LARP4B: variants seen among roughly 807,000 people sequenced by gnomAD.
LARP4B encodes La ribonucleoprotein 4B, also known as la-related protein 4B.
In LARP4B, 12 loss-of-function variants were observed where a neutral mutation model predicts 89.8. That is an observed-to-expected ratio of 0.13 (90% confidence interval 0.09 to 0.22). The LOEUF (loss-of-function observed/expected upper bound fraction) is 0.22. Ranked by LOEUF, LARP4B falls within the 10% of genes least tolerant of loss-of-function variation. LARP4B has a pLI of 1.00. For synonymous variants in LARP4B, 367 were observed against 363.3 expected (o/e 1.01, Z -0.12); for missense variants, 757 against 947.7 (o/e 0.80, Z 2.64).
intron 12 of LARP4B, 64 bp downstream of exon 12, chr10:825,700 C>T: frequency 1.9e-6 from 2 of 1,075,516 alleles, no homozygotes; most frequent in Non-Finnish European, 2.8e-6. Context: ...AAAGCTCTCT[C>T]ATCCCAACTC....
chr10:829,790 A>T, intron 9 of LARP4B, 56 bp from the exon 10 acceptor site: 1 of 1,227,844 alleles, frequency 8.1e-7, no homozygotes, highest in East Asian at 2.3e-5. Context: ...AATAAGAGGC[A>T]CCAATAGTTC....
At chr10:974,155 T>G in the LARP4B span, among the ~76,000 whole-genome samples, 1 of 152,142 alleles carries the variant, frequency 6.6e-6, no homozygotes, top group African/African-American at 2.4e-5. Context: ...AGAGCTGGTT[T>G]GGAATGGCAA....
intron 1 of LARP4B, among the ~76,000 whole-genome samples, chr10:889,196 T>C (rs1374846613): frequency 1.3e-5 from 2 of 152,248 alleles, no homozygotes; most frequent in South Asian, 2.1e-4. Context: ...TGTGCATTTA[T>C]ATTATTATAG....
intron 5 of LARP4B, among the ~76,000 whole-genome samples, chr10:847,967 T>G (rs991029495): frequency 6.6e-6 from 1 of 151,982 alleles, no homozygotes; most frequent in Non-Finnish European, 1.5e-5. Flanking sequence ...ATGCAGGAGA[T>G]AGGGAGGCTG....
chr10:929,736 G>T (rs989741580), intron 1 of LARP4B, among the ~76,000 whole-genome samples: 2 of 151,944 alleles, frequency 1.3e-5, no homozygotes, highest in African/African-American at 4.8e-5. Context: ...GCAACACGAG[G>T]GTAACTTCTA....
chr10:871,177 C>T (rs1835181878), intron 3 of LARP4B, among the ~76,000 whole-genome samples: 1 of 152,234 alleles, frequency 6.6e-6, no homozygotes, highest in South Asian at 2.1e-4. Flanking sequence ...GGTCACTCAG[C>T]TGGTCTCGTG....
At chr10:922,217 A>G (rs988786562) in intron 1 of LARP4B, among the ~76,000 whole-genome samples, 1 of 152,212 alleles carries the variant, frequency 6.6e-6, no homozygotes, top group African/African-American at 2.4e-5. Context: ...TTGAGCTCTT[A>G]TGAGAATCTA....
chr10:868,378 T>TAAA lies in LARP4B; in HGVS notation c.142-4111_142-4109dup, dbSNP rs35215345. 6.0e-3 allele frequency among the ~76,000 whole-genome samples: 742 copies of TAAA among 123,432 alleles called. 7 individuals are homozygous for TAAA. The highest frequency in any genetic ancestry group is 0.018 in the African/African-American group (592 of 33,286). 81.0% of individuals were successfully genotyped at this position (123,432 alleles called of 152,430 possible). A position where few individuals can be genotyped will look rare whatever the true frequency, so the allele number is the denominator to read the frequency against. ...AATAGCTGCTATATTAAGATTTGCT[T>TAAA]AAAAAAAAAAAAAAAAAAAGACACC... On this transcript the variant is annotated intron_variant, in intron 3 of 17. Coordinates refer to ENST00000316157, the MANE Select transcript of LARP4B (RefSeq NM_015155.3).
the LARP4B span, among the ~76,000 whole-genome samples, chr10:973,939 A>G: frequency 1.3e-5 from 2 of 152,146 alleles, no homozygotes; most frequent in Admixed American, 6.5e-5. Context: ...ACTCTGGTCC[A>G]TGACCTTAAG....
chr10:983,917 A>T, the LARP4B span, among the ~76,000 whole-genome samples: 2 of 152,156 alleles, frequency 1.3e-5, no homozygotes, highest in Non-Finnish European at 2.9e-5. Context: ...TTTTGTGAGG[A>T]AATAATATGT....
At chr10:829,261 G>A (rs759228909) in intron 11 of LARP4B, 124 bp downstream of exon 11, 2 of 786,920 alleles carry the variant, frequency 2.5e-6, no homozygotes, top group Admixed American at 3.2e-5. Flanking sequence ...CACATAACTT[G>A]AAGGTCTGTT....
intron 1 of LARP4B, among the ~76,000 whole-genome samples, chr10:906,489 T>C (rs1290689377): frequency 2.6e-5 from 4 of 152,196 alleles, no homozygotes; most frequent in African/African-American, 9.7e-5. Flanking sequence ...AGCGCCAGTG[T>C]GGTGCAACCC....
chr10:887,744 C>T (rs1422553642), intron 1 of LARP4B, among the ~76,000 whole-genome samples: 1 of 151,452 alleles, frequency 6.6e-6, no homozygotes. Context: ...AGAAAACTGG[C>T]AGGGTGCAGT....
the LARP4B span, among the ~76,000 whole-genome samples, chr10:979,418 C>G: frequency 1.3e-5 from 2 of 152,186 alleles, no homozygotes; most frequent in Non-Finnish European, 2.9e-5. Flanking sequence ...GAGGCCCCAG[C>G]AGAATTATAA....
At chr10:946,569 A>C in the LARP4B span, among the ~76,000 whole-genome samples, 228 of 152,182 alleles carry the variant, frequency 1.5e-3, no homozygotes, top group African/African-American at 5.3e-3. Context: ...TTTCCTTTAA[A>C]CTTTGTCTTG....
the LARP4B span, chr10:988,133 C>T: frequency 4.0e-6 from 1 of 247,376 alleles, no homozygotes. Context: ...CAACCCTGGC[C>T]CAGGGCGCGT....
the LARP4B span, among the ~76,000 whole-genome samples, chr10:977,559 A>G: frequency 2.6e-5 from 4 of 151,618 alleles, no homozygotes; most frequent in East Asian, 1.9e-4. Context: ...AAAAAAAAAA[A>G]AGAGAGAGAG....
At chr10:929,221 CA>C (rs201167755) in intron 1 of LARP4B, among the ~76,000 whole-genome samples, 5 of 150,044 alleles carry the variant, frequency 3.3e-5, no homozygotes, top group South Asian at 2.1e-4. Context: ...GTAAACAAGC[CA>C]AAAAAAACAA....
the LARP4B span, among the ~76,000 whole-genome samples, chr10:950,637 GTC>G: frequency 6.6e-6 from 1 of 152,076 alleles, no homozygotes; most frequent in Admixed American, 6.6e-5. Flanking sequence ...AACACCCTGC[GTC>G]TCTCTCTTTA....
Sources: allele counts gnomAD v4.1 joint callset (sites outside exome capture counted in the v4.1 genomes callset), GRCh38; gene constraint gnomAD v4.1.1; transcripts MANE v1.5; gene names NCBI Gene and HGNC (gene_info 2026-07-23, HGNC 2026-07-21).